S100Z: variants seen among roughly 807,000 people sequenced by gnomAD.
S100Z encodes the protein protein S100-Z.
A neutral mutation model predicts 8.5 loss-of-function variants in S100Z; 11 were observed. The observed-to-expected ratio is 1.30, with a 90% CI of 0.82 to 2.15. The LOEUF is 2.15. S100Z is among the 30% of genes most tolerant of loss of function. The pLI, the probability that S100Z is intolerant of heterozygous loss-of-function variation, is 0.00. For synonymous variants in S100Z, 34 were observed against 43.8 expected, an observed-to-expected ratio of 0.78 and a Z score of 0.89; for missense variants, 126 against 117.9, an observed-to-expected ratio of 1.07 and a Z score of -0.32.
At chr5:76,912,291 CA>C (rs1477271519) in intron 4 of S100Z, among the ~76,000 whole-genome samples, 1 of 152,150 alleles carries the variant, frequency 6.6e-6, no homozygotes, top group African/African-American at 2.4e-5. Context: ...ACTTTTCTCC[CA>C]GAGGATGGGG....
At chr5:76,864,771 C>T (rs1367447690) in intron 1 of S100Z, among the ~76,000 whole-genome samples, 2 of 152,084 alleles carry the variant, frequency 1.3e-5, no homozygotes, top group Non-Finnish European at 2.9e-5. Flanking sequence ...TGCAGTGGCA[C>T]GATCTCGGCT....
intron 4 of S100Z, among the ~76,000 whole-genome samples, chr5:76,899,398 T>G (rs1051986126): frequency 1.3e-4 from 20 of 152,108 alleles, no homozygotes; most frequent in African/African-American, 4.1e-4. Context: ...ATTTTTTTTT[T>G]TTTGGTTTTT....
At chr5:76,894,174 G>C (rs541992849) in intron 4 of S100Z, among the ~76,000 whole-genome samples, 1 of 152,064 alleles carries the variant, frequency 6.6e-6, no homozygotes, top group Non-Finnish European at 1.5e-5. Flanking sequence ...GTAAAACTTT[G>C]GTCTCTACCA....
intron 4 of S100Z, among the ~76,000 whole-genome samples, chr5:76,892,015 C>G (rs1230115686): frequency 6.6e-6 from 1 of 152,128 alleles, no homozygotes; most frequent in African/African-American, 2.4e-5. Flanking sequence ...CCGAATGATT[C>G]AGAATGAAGG....
downstream of S100Z, among the ~76,000 whole-genome samples, chr5:76,923,656 G>A (rs113753298): frequency 2.9e-3 from 447 of 152,216 alleles, 5 homozygotes; most frequent in African/African-American, 0.01. Context: ...TGAGATGGGA[G>A]AGGTTTCCTC....
chr5:76,911,723 C>G (rs1417485321), intron 4 of S100Z, among the ~76,000 whole-genome samples: 1 of 152,196 alleles, frequency 6.6e-6, no homozygotes. Flanking sequence ...GTACAAGGTG[C>G]CTAGATCGAA....
the S100Z span, among the ~76,000 whole-genome samples, chr5:76,943,769 T>G: frequency 6.6e-6 from 1 of 151,226 alleles, no homozygotes; most frequent in Non-Finnish European, 1.5e-5. Context: ...ACCTTAGAGA[T>G]GAGAATGACC....
At chr5:76,894,909 T>A (rs189208728) in intron 4 of S100Z, among the ~76,000 whole-genome samples, 40 of 152,268 alleles carry the variant, frequency 2.6e-4, no homozygotes, top group African/African-American at 8.9e-4. Context: ...CTTTATATTT[T>A]AAATTTTGAT....
the S100Z span, among the ~76,000 whole-genome samples, chr5:76,941,291 C>G: frequency 6.6e-6 from 1 of 152,112 alleles, no homozygotes; most frequent in African/African-American, 2.4e-5. Context: ...TGAATTGTCA[C>G]CCCCATAATC....
rs140669150 is a variant in S100Z, at chr5:76,911,717, A to G, written c.*3-9000A>G. Among the ~76,000 whole-genome samples the G allele has an allele frequency of 4.0e-3, 608 of 152,342 alleles. 4 individuals carry two copies. The highest frequency in any genetic ancestry group is 0.013 in the African/African-American group (530 of 41,588). Reference sequence around the variant, plus strand: ...GAACTTTCTAGCTAATCAAGGGTACAAGGTGCCTAGATCGAAGGCCCAGCT... The same window carrying G: ...GAACTTTCTAGCTAATCAAGGGTACGAGGTGCCTAGATCGAAGGCCCAGCT... On this transcript the variant is annotated intron_variant, in intron 4 of 4. Coordinates refer to ENST00000317593, the MANE Select transcript of S100Z (RefSeq NM_130772.4).
rs56206322 is a variant in S100Z, at chr5:76,864,386, A to ATTT, written c.-175-5749_-175-5747dup. ...TATGTTACTGCTTAATGCATACTAT[A>ATTT]TTTTTTTTTTTTTTTTTTTTTTTTT... is the stretch of plus-strand genomic sequence containing the variant. On this transcript the variant is annotated intron_variant, in intron 1 of 4. Coordinates refer to ENST00000317593, the MANE Select transcript of S100Z (RefSeq NM_130772.4). Among the ~76,000 whole-genome samples the ATTT allele has an allele frequency of 5.8e-3, 416 of 72,184 alleles. 37 individuals carry two copies. Among genetic ancestry groups the ATTT allele is most frequent in the Non-Finnish European group, 7.2e-3 (281 of 39,294 alleles). The allele number at this position is 72,184 out of a possible 152,430, so 47.4% of individuals were successfully genotyped here. A position where few individuals can be genotyped will look rare whatever the true frequency, so the allele number is the denominator to read the frequency against.
Position 76,864,386 on chromosome 5 carries a change from A to ATTTTTTTTTTTTTTTTTTTTTTTTTTT in S100Z, c.-175-5773_-175-5747dup, listed in dbSNP as rs56206322. ...TATGTTACTGCTTAATGCATACTAT[A>ATTTTTTTTTTTTTTTTTTTTTTTTTTT]TTTTTTTTTTTTTTTTTTTTTTTTT... On this transcript the variant is annotated intron_variant, in intron 1 of 4. Coordinates refer to ENST00000317593, the MANE Select transcript of S100Z (RefSeq NM_130772.4). 5.5e-5 allele frequency among the ~76,000 whole-genome samples: 4 copies of ATTTTTTTTTTTTTTTTTTTTTTTTTTT among 72,124 alleles called. 1 individual carries two copies. Among genetic ancestry groups the ATTTTTTTTTTTTTTTTTTTTTTTTTTT allele is most frequent in the Non-Finnish European group, 1.0e-4 (4 of 39,272 alleles). 47.3% of individuals were successfully genotyped at this position (72,124 alleles called of 152,430 possible).
chr5:76,864,437 G>C (rs1359859792), intron 1 of S100Z, among the ~76,000 whole-genome samples: 8 of 110,430 alleles, frequency 7.2e-5, no homozygotes, highest in Admixed American at 4.4e-4. Context: ...AGTCTCACTC[G>C]GTCACCCAGG....
chr5:76,866,199 C>T (rs1742719285), intron 1 of S100Z, among the ~76,000 whole-genome samples: 1 of 151,814 alleles, frequency 6.6e-6, no homozygotes. Context: ...GTCCCCCCAC[C>T]TCAGCCTCCC....
chr5:76,932,021 A>G, the S100Z span, among the ~76,000 whole-genome samples: 123 of 152,236 alleles, frequency 8.1e-4, no homozygotes, highest in Non-Finnish European at 1.4e-3. Flanking sequence ...ATTTATATAT[A>G]TAATTTATAA....
chr5:76,938,111 CA>C, the S100Z span, among the ~76,000 whole-genome samples: 1 of 88,300 alleles, frequency 1.1e-5, no homozygotes, highest in African/African-American at 3.4e-5. Context: ...AAAAAATAAA[CA>C]AAAAAACAAA....
chr5:76,916,076 G>A (rs796121851), intron 4 of S100Z, among the ~76,000 whole-genome samples: 11 of 150,642 alleles, frequency 7.3e-5, no homozygotes, highest in African/African-American at 2.4e-4. Context: ...CAGGAGAATC[G>A]CTTGAACCCA....
chr5:76,890,188 T>C (rs1222341009), intron 4 of S100Z, among the ~76,000 whole-genome samples: 1 of 152,174 alleles, frequency 6.6e-6, no homozygotes, highest in Non-Finnish European at 1.5e-5. Context: ...CATGCCTGGC[T>C]AATTTTTATA....
intron 4 of S100Z, among the ~76,000 whole-genome samples, chr5:76,889,066 A>G (rs908713054): frequency 2.0e-5 from 3 of 152,180 alleles, no homozygotes; most frequent in Non-Finnish European, 4.4e-5. Context: ...TGCCTGGTCA[A>G]ACCAAGCCCC....
Sources: allele counts gnomAD v4.1 joint callset (sites outside exome capture counted in the v4.1 genomes callset), GRCh38; gene constraint gnomAD v4.1.1; transcripts MANE v1.5; gene names NCBI Gene and HGNC (gene_info 2026-07-23, HGNC 2026-07-21).